Variants in PPP2R2C observed in about 807,000 individuals in gnomAD.
PPP2R2C encodes protein phosphatase 2, regulatory subunit B, gamma.
In PPP2R2C, 10 loss-of-function variants were observed where a neutral mutation model predicts 45.3. The observed-to-expected ratio is 0.22, with a 90% CI of 0.14 to 0.37. The LOEUF is 0.37. Among genes scored for constraint, PPP2R2C ranks in the 10% least tolerant of loss-of-function variants. The pLI, the probability that PPP2R2C is intolerant of heterozygous loss-of-function variation, is 1.00. For synonymous variants in PPP2R2C, 257 were observed against 245.4 expected (o/e 1.05, Z -0.44); for missense variants, 308 against 619.7 (o/e 0.50, Z 5.34).
upstream of PPP2R2C, among the ~76,000 whole-genome samples, chr4:6,473,343 T>C (rs932823534): frequency 6.7e-6 from 1 of 150,098 alleles, no homozygotes; most frequent in Non-Finnish European, 1.5e-5. Flanking sequence ...AACCTCCCTC[T>C]GGTAATCAGC....
chr4:6,388,085 C>T (rs528496876), intron 1 of PPP2R2C, among the ~76,000 whole-genome samples: 2 of 152,334 alleles, frequency 1.3e-5, no homozygotes, highest in South Asian at 4.1e-4. Context: ...GTGCATTATT[C>T]CAAGTCACTC....
At chr4:6,521,757 C>A (rs939825406) in intron 2 of PPP2R2C, among the ~76,000 whole-genome samples, 7 of 152,192 alleles carry the variant, frequency 4.6e-5, no homozygotes, top group Non-Finnish European at 1.0e-4. Flanking sequence ...ACTGCATCTG[C>A]AGAACAGCCC....
chr4:6,325,084 G>T (rs1020453775), intron 8 of PPP2R2C, among the ~76,000 whole-genome samples: 2 of 152,186 alleles, frequency 1.3e-5, no homozygotes, highest in South Asian at 2.1e-4. Context: ...TCACACGTGA[G>T]CTCCGGCACT....
At chr4:6,339,904 C>T (rs914248118) in intron 6 of PPP2R2C, among the ~76,000 whole-genome samples, 3 of 152,188 alleles carry the variant, frequency 2.0e-5, no homozygotes, top group African/African-American at 7.2e-5. Flanking sequence ...CTTGGAGGGT[C>T]CGAGAAGCAG....
intron 1 of PPP2R2C, among the ~76,000 whole-genome samples, chr4:6,442,049 G>C (rs574308125): frequency 6.6e-6 from 1 of 152,344 alleles, no homozygotes; most frequent in East Asian, 1.9e-4. Flanking sequence ...GTGGGTGGGG[G>C]AAGGCAGCCA....
chr4:6,461,377 G>A (rs2108757698), intron 1 of PPP2R2C, among the ~76,000 whole-genome samples: 1 of 152,322 alleles, frequency 6.6e-6, no homozygotes, highest in East Asian at 1.9e-4. Context: ...TCCCACTGCA[G>A]AGTAGCCACT....
At position 6,320,851 on chromosome 4, in the gene PPP2R2C, G is replaced by A. The variant is rs1425322045; in HGVS notation, c.*2451C>T. ...ACCCCAACAACTTCACAATGACTAT[G>A]TGAACGCCCGTACATTCGAGAGTAC... On this transcript the variant is annotated 3_prime_UTR_variant, in exon 9 of 9. Coordinates refer to ENST00000382599, the MANE Select transcript of PPP2R2C (RefSeq NM_020416.4). 6.6e-6 allele frequency: 1 copy of A among 150,972 alleles called. No homozygotes were observed. Among genetic ancestry groups the A allele is most frequent in the Admixed American group, 6.6e-5 (1 of 15,130 alleles). The allele number at this position is 150,972 out of a possible 1,614,324, so 9.4% of individuals were successfully genotyped here.
In PPP2R2C at chr4:6,322,249, G is replaced by T. The variant is rs1376320550; in HGVS notation, c.*1053C>A. ...ACCCGGACGGGTTCCTGACACCACT[G>T]CACGGCACCTGCCATGGGTGACCTG... On this transcript the variant is annotated 3_prime_UTR_variant, in exon 9 of 9. Coordinates refer to ENST00000382599, the MANE Select transcript of PPP2R2C (RefSeq NM_020416.4). The surrounding 1 kb of genome is among the most constrained non-coding windows in gnomAD (Gnocchi z 7.8). The T allele has an allele frequency of 6.6e-6, 1 of 152,110 alleles. No individual in the cohort carries two copies. The highest frequency in any genetic ancestry group is 1.5e-5 in the Non-Finnish European group (1 of 68,042). The allele number at this position is 152,110 out of a possible 1,614,324, so 9.4% of individuals were successfully genotyped here. A position where few individuals can be genotyped will look rare whatever the true frequency, so the allele number is the denominator to read the frequency against.
intron 5 of PPP2R2C, chr4:6,348,717 C>T: frequency 1.0e-6 from 1 of 985,332 alleles, no homozygotes; most frequent in Non-Finnish European, 1.2e-6. Flanking sequence ...GAGCTTCTAT[C>T]TGCTGCCAGG....
At chr4:6,519,440 G>A (rs1723945486) in intron 2 of PPP2R2C, among the ~76,000 whole-genome samples, 1 of 152,110 alleles carries the variant, frequency 6.6e-6, no homozygotes, top group Non-Finnish European at 1.5e-5. Context: ...AGGCCCCACG[G>A]GACAGGCCCA....
rs533799081 is a variant in PPP2R2C at position 6,399,628 on chromosome 4, A to T, written c.71-18534T>A. Among the ~76,000 whole-genome samples, 157 of 152,358 alleles carry T rather than the reference A, an allele frequency of 1.0e-3. 1 individual carries two copies. The highest frequency in any genetic ancestry group is 3.5e-3 in the African/African-American group (147 of 41,588). On this transcript the variant is annotated intron_variant, in intron 1 of 8. Transcript: ENST00000382599. ...ACACAGCTTCCAGGGGCCAGCAGGA[A>T]GCCATAGCCAGCGTGGGCAGCCTGA...
chr4:6,503,795 TA>T (rs11433028), intron 2 of PPP2R2C, among the ~76,000 whole-genome samples: 50,497 of 146,160 alleles, frequency 0.35, 8,655 homozygotes, highest in Middle Eastern at 0.37. Context: ...ACTTGGCAAT[TA>T]AAAAAAAAAA....
intron 1 of PPP2R2C, among the ~76,000 whole-genome samples, chr4:6,423,451 AC>A (rs1394365130): frequency 1.3e-5 from 2 of 152,062 alleles, no homozygotes; most frequent in Non-Finnish European, 2.9e-5. Flanking sequence ...TGATCCACCC[AC>A]CTCAGCCTCC....
At chr4:6,401,447 C>T (rs56163732) in intron 1 of PPP2R2C, among the ~76,000 whole-genome samples, 1,939 of 152,128 alleles carry the variant, frequency 0.013, 44 homozygotes, top group African/African-American at 0.043. Flanking sequence ...TGGCAACATC[C>T]GAGATGCTAA....
intron 5 of PPP2R2C, among the ~76,000 whole-genome samples, chr4:6,365,187 G>A (rs145696852): frequency 4.0e-4 from 61 of 152,228 alleles, no homozygotes; most frequent in African/African-American, 1.3e-3. Flanking sequence ...GAAGACTCTC[G>A]GCCAATGCTG....
At chr4:6,474,640 C>T (rs1410541417), upstream of PPP2R2C, among the ~76,000 whole-genome samples, 1 of 152,194 alleles carries the variant, frequency 6.6e-6, no homozygotes, top group Non-Finnish European at 1.5e-5. Context: ...AGCTTCTGAG[C>T]CATGCTGGGG....
In PPP2R2C at chr4:6,501,465, G is replaced by A. The variant is rs140358815; in HGVS notation, c.49+33806C>T. ...CCCAGCCCAGTTCTCAAGATTGACT[G>A]GGATGGGTCAGCTGGGGGACCATGC... is the stretch of plus-strand genomic sequence containing the variant. On this transcript the variant is annotated intron_variant, in intron 2 of 9. Coordinates refer to the PPP2R2C transcript ENST00000506140. Among the ~76,000 whole-genome samples the A allele has an allele frequency of 5.9e-5, 9 of 152,346 alleles. No homozygotes were observed. The East Asian group carries it at 1.5e-3, about 26-fold the overall frequency.
At chr4:6,394,271 C>A (rs1716863945) in intron 1 of PPP2R2C, among the ~76,000 whole-genome samples, 1 of 152,184 alleles carries the variant, frequency 6.6e-6, no homozygotes, top group Non-Finnish European at 1.5e-5. Context: ...AGTCTCTGAG[C>A]CTCAGTTTCC....
rs111398839 is a variant in PPP2R2C, at chr4:6,463,888, C to G, written c.70+8272G>C. On this transcript the variant is annotated intron_variant, in intron 1 of 8. Transcript: ENST00000382599. ...TTGCCTTTCATCGCAACACAGATAG[C>G]AAGAGCACCAAGCCAGGTAGTCTAG... Among the ~76,000 whole-genome samples the G allele has an allele frequency of 5.3e-5, 8 of 152,322 alleles. 2 individuals carry two copies. The highest frequency in any genetic ancestry group is 1.9e-4 in the African/African-American group (8 of 41,576).
Sources: gnomAD v4.1 joint callset for allele counts (sites outside exome capture counted in the v4.1 genomes callset) on GRCh38, gnomAD v4.1.1 for gene constraint, Gnocchi (gnomAD v3.1) non-coding constraint, MANE v1.5 for transcripts, NCBI Gene and HGNC (gene_info 2026-07-23, HGNC 2026-07-21) for gene names.